Variants in SPATA13 observed in about 807,000 individuals in gnomAD.
SPATA13 encodes spermatogenesis-associated protein 13.
SPATA13 carries 50 observed loss-of-function variants against 104.0 expected under a neutral mutation model. The ratio of observed to expected loss-of-function variants is 0.48; its 90% CI spans 0.38 to 0.61. SPATA13 has a LOEUF of 0.61. Ranked by LOEUF, SPATA13 falls within the 20% of genes least tolerant of loss-of-function variation. The probability of loss-of-function intolerance (pLI) is 0.00; values close to 1 mark genes in which losing one functional copy is unlikely to be tolerated. For synonymous variants in SPATA13, 606 were observed against 667.5 expected (o/e 0.91, Z 1.42); for missense variants, 1,524 against 1,690.6 (o/e 0.90, Z 1.73).
intron 3 of SPATA13, among the ~76,000 whole-genome samples, chr13:24,070,448 C>A (rs917755947): frequency 6.6e-6 from 1 of 152,100 alleles, no homozygotes; most frequent in Non-Finnish European, 1.5e-5. Context: ...ATGTACTTGG[C>A]GTCTCTGGTG....
intron 3 of SPATA13, among the ~76,000 whole-genome samples, chr13:24,140,137 T>C (rs895973426): frequency 2.0e-5 from 3 of 151,824 alleles, no homozygotes; most frequent in Non-Finnish European, 4.4e-5. Flanking sequence ...CCAATGCTAA[T>C]AACCTAGGAC....
chr13:24,093,573 G>A (rs894107104), intron 3 of SPATA13, among the ~76,000 whole-genome samples: 1 of 152,204 alleles, frequency 6.6e-6, no homozygotes, highest in South Asian at 2.1e-4. Context: ...ATGCTCCATT[G>A]AAATCTGATT....
intron 2 of SPATA13, among the ~76,000 whole-genome samples, chr13:24,243,693 G>T (rs1305418176): frequency 2.0e-5 from 3 of 152,120 alleles, no homozygotes. Flanking sequence ...GCACCTCGTA[G>T]GCATTCAAAA....
At chr13:24,014,878 G>A (rs575684078) in intron 2 of SPATA13, among the ~76,000 whole-genome samples, 1 of 78,700 alleles carries the variant, frequency 1.3e-5, no homozygotes, top group East Asian at 3.5e-4. Flanking sequence ...GCACTTTCTG[G>A]ATTTTTTTTT....
intron 3 of SPATA13, among the ~76,000 whole-genome samples, chr13:24,076,996 T>G (rs551494347): frequency 7.2e-4 from 109 of 152,194 alleles, no homozygotes; most frequent in Non-Finnish European, 1.2e-3. Context: ...CTTTGATTCA[T>G]ATGTTGTTGA....
intron 2 of SPATA13, among the ~76,000 whole-genome samples, chr13:24,016,023 C>T (rs1876697393): frequency 6.6e-6 from 1 of 152,130 alleles, no homozygotes; most frequent in East Asian, 1.9e-4. Flanking sequence ...TATGTGTTGG[C>T]TGCAATAGTG....
At chr13:24,107,293 T>C (rs1173957880) in intron 3 of SPATA13, among the ~76,000 whole-genome samples, 1 of 138,784 alleles carries the variant, frequency 7.2e-6, no homozygotes, top group African/African-American at 2.7e-5. Flanking sequence ...ACTCAGTCAG[T>C]TATGTGGCCA....
chr13:24,270,723 C>T (rs776957098), intron 4 of SPATA13: 14 of 1,533,716 alleles, frequency 9.1e-6, no homozygotes, highest in East Asian at 2.4e-5. Context: ...ACGCATACAA[C>T]GTCAAAGCAG....
Position 24,067,894 on chromosome 13 carries a change from G to A in SPATA13, c.-112+50193G>A, listed in dbSNP as rs561835997. 4.6e-5 allele frequency among the ~76,000 whole-genome samples: 7 copies of A among 152,228 alleles called. No homozygotes were observed. The East Asian group carries it at 1.3e-3, about 29-fold the overall frequency. Reference sequence around the variant, plus strand: ...TATTTTTGTATTTTTAGTAGACATGGGGTTTCACCATGTTGGCAAGGTTGG... The same window carrying A: ...TATTTTTGTATTTTTAGTAGACATGAGGTTTCACCATGTTGGCAAGGTTGG... On this transcript the variant is annotated intron_variant, in intron 3 of 14. Transcript: ENST00000424834.
intron 4 of SPATA13, among the ~76,000 whole-genome samples, chr13:24,266,534 C>T (rs1327387338): frequency 3.3e-5 from 5 of 152,184 alleles, no homozygotes; most frequent in Admixed American, 6.5e-5. Context: ...ATCCTCCCAC[C>T]TTGGCCTCCC....
chr13:24,127,744 G>A (rs931471612), intron 3 of SPATA13, among the ~76,000 whole-genome samples: 2 of 152,120 alleles, frequency 1.3e-5, no homozygotes, highest in Non-Finnish European at 2.9e-5. Flanking sequence ...CTGAAAAAAA[G>A]CAAAAAATAC....
intron 3 of SPATA13, among the ~76,000 whole-genome samples, chr13:24,060,915 T>G (rs1878749398): frequency 6.6e-6 from 1 of 152,186 alleles, no homozygotes; most frequent in Non-Finnish European, 1.5e-5. Flanking sequence ...AGTGCATGCC[T>G]GTAATCTCAG....
chr13:24,039,788 C>T (rs558046651), intron 3 of SPATA13, among the ~76,000 whole-genome samples: 1 of 152,210 alleles, frequency 6.6e-6, no homozygotes, highest in East Asian at 1.9e-4. Flanking sequence ...TTTTGTGTAC[C>T]AGAACTTGGT....
intron 1 of SPATA13, among the ~76,000 whole-genome samples, chr13:24,194,004 C>T (rs1449240553): frequency 6.6e-6 from 1 of 152,204 alleles, no homozygotes; most frequent in East Asian, 1.9e-4. Context: ...GTAGAGGTTT[C>T]TTACCTTCTC....
chr13:24,300,454 G>T lies in SPATA13; in HGVS notation c.3637G>T (p.Ala1213Ser). ...KKLAMLNAQK[A>S]GHGKSKGYNR... ...ACTTGCCATGTTAAATGCTCAAAAG[G>T]CAGGACATGGAAAGTCAAAAGGTAA... Residue 1213 changes from alanine to serine, a missense_variant, in exon 12 of 13, where the codon GCA becomes TCA. By Grantham distance (99) the Ala-to-Ser change is moderately conservative. Transcript: ENST00000382108. 3 of 1,614,100 alleles carry T rather than the reference G, an allele frequency of 1.9e-6. No homozygotes were observed. The highest frequency in any genetic ancestry group is 1.3e-5 in the African/African-American group (1 of 75,034).
At chr13:24,015,182 G>A (rs930929248) in intron 2 of SPATA13, among the ~76,000 whole-genome samples, 39 of 152,104 alleles carry the variant, frequency 2.6e-4, no homozygotes, top group African/African-American at 7.0e-4. Flanking sequence ...GTGAGCCACC[G>A]TGCCTGGCCA....
intron 3 of SPATA13, among the ~76,000 whole-genome samples, chr13:24,134,609 C>T (rs1881497735): frequency 6.6e-6 from 1 of 152,062 alleles, no homozygotes; most frequent in Non-Finnish European, 1.5e-5. Flanking sequence ...TCAGTAGAGA[C>T]CCTGGATATG....
intron 4 of SPATA13, among the ~76,000 whole-genome samples, chr13:24,261,759 G>A (rs1302787249): frequency 6.6e-6 from 1 of 152,028 alleles, no homozygotes; most frequent in Non-Finnish European, 1.5e-5. Flanking sequence ...GTGGCAGGGA[G>A]GAGCTTCGTG....
chr13:24,174,600 G>A lies in SPATA13; in HGVS notation c.-112+13668G>A, dbSNP rs184454050. 9.8e-4 allele frequency among the ~76,000 whole-genome samples: 149 copies of A among 151,676 alleles called. 1 individual carries two copies. The highest frequency in any genetic ancestry group is 3.1e-3 in the African/African-American group (128 of 41,358). On this transcript the variant is annotated intron_variant, in intron 1 of 12. Coordinates refer to ENST00000382108, the MANE Select transcript of SPATA13 (RefSeq NM_001166271.3). ...TTTTTTATTATCACTTTTTTGAGACGAAGTCTTGCTCTGTCACCCAGACTG... is the reference window on the plus strand; with the variant it reads ...TTTTTTATTATCACTTTTTTGAGACAAAGTCTTGCTCTGTCACCCAGACTG...
Sources: allele counts gnomAD v4.1 joint callset (sites outside exome capture counted in the v4.1 genomes callset), GRCh38; gene constraint gnomAD v4.1.1; transcripts MANE v1.5; gene names NCBI Gene and HGNC (gene_info 2026-07-23, HGNC 2026-07-21).